The following ESRRG variants were observed in gnomAD, a reference collection of about 807,000 sequenced individuals.
ESRRG encodes the protein estrogen related receptor gamma, also known as estrogen-related receptor gamma.
Under a neutral mutation model 44.0 loss-of-function variants are expected in ESRRG, and 13 were observed. That is an observed-to-expected ratio of 0.30 (90% CI 0.19 to 0.47). The LOEUF (loss-of-function observed/expected upper bound fraction) is 0.47. Among genes scored for constraint, ESRRG ranks in the 20% least tolerant of loss-of-function variants. The pLI is 1.00. For missense variants in ESRRG, 395 were observed against 580.6 expected, an observed-to-expected ratio of 0.68 and a Z score of 3.29; for synonymous variants, 215 against 214.6, an observed-to-expected ratio of 1.00 and a Z score of -0.02.
At chr1:216,826,014 C>T (rs2095386888) in intron 2 of ESRRG, among the ~76,000 whole-genome samples, 1 of 152,108 alleles carries the variant, frequency 6.6e-6, no homozygotes, top group Admixed American at 6.6e-5. Context: ...TACAAACTCC[C>T]ACTCAAGTTG....
intron 2 of ESRRG, among the ~76,000 whole-genome samples, chr1:216,939,288 T>C (rs1578396661): frequency 8.2e-6 from 1 of 121,926 alleles, no homozygotes; most frequent in South Asian, 2.9e-4. Flanking sequence ...ACCTACATGA[T>C]CACTACAACA....
intron 3 of ESRRG, among the ~76,000 whole-genome samples, chr1:216,583,054 A>AC (rs1334749026): frequency 2.0e-5 from 3 of 152,042 alleles, no homozygotes; most frequent in Admixed American, 6.6e-5. Context: ...GAAAAAAAAA[A>AC]CTGTAAATTT....
intron 2 of ESRRG, among the ~76,000 whole-genome samples, chr1:216,824,613 G>A (rs1372579107): frequency 1.3e-5 from 2 of 151,982 alleles, no homozygotes; most frequent in East Asian, 3.9e-4. Context: ...GGGTTTTAAT[G>A]CATAAAATGG....
At chr1:216,561,079 AAC>A (rs1054975518) in intron 5 of ESRRG, among the ~76,000 whole-genome samples, 10 of 152,232 alleles carry the variant, frequency 6.6e-5, no homozygotes, top group African/African-American at 1.9e-4. Context: ...GTTTCATAAC[AAC>A]ACACTTTCCC....
intron 5 of ESRRG, among the ~76,000 whole-genome samples, chr1:216,541,414 G>C (rs1306056965): frequency 6.6e-6 from 1 of 151,960 alleles, no homozygotes; most frequent in East Asian, 1.9e-4. Context: ...AGGATTGAGA[G>C]CTAAATGTTA....
chr1:216,704,921 T>C (rs2082149380), intron 1 of ESRRG, among the ~76,000 whole-genome samples: 1 of 152,232 alleles, frequency 6.6e-6, no homozygotes, highest in Non-Finnish European at 1.5e-5. Flanking sequence ...ATTTACAATT[T>C]ATAATCATTT....
chr1:216,897,148 A>G (rs2058524381), intron 2 of ESRRG, among the ~76,000 whole-genome samples: 1 of 152,222 alleles, frequency 6.6e-6, no homozygotes, highest in South Asian at 2.1e-4. Context: ...AACCCTGGGA[A>G]GAAATGAATG....
chr1:217,040,815 T>C (rs1448506778), intron 1 of ESRRG, among the ~76,000 whole-genome samples: 2 of 152,158 alleles, frequency 1.3e-5, no homozygotes, highest in African/African-American at 4.8e-5. Context: ...TTTGTACTTA[T>C]GCTAGCTGCA....
At chr1:217,017,491 A>AT (rs35138428) in intron 1 of ESRRG, among the ~76,000 whole-genome samples, 21,001 of 149,166 alleles carry the variant, frequency 0.14, 2,019 homozygotes, top group East Asian at 0.2. Flanking sequence ...AAAAAAAAAA[A>AT]AAAAAAAGGA....
chr1:216,691,907 C>T (rs1442579326), intron 1 of ESRRG, among the ~76,000 whole-genome samples: 2 of 152,120 alleles, frequency 1.3e-5, no homozygotes, highest in Non-Finnish European at 2.9e-5. Flanking sequence ...CACTTAGTGA[C>T]GTCACAGTGA....
chr1:216,805,858 A>C (rs1395306582), intron 2 of ESRRG, among the ~76,000 whole-genome samples: 1 of 152,204 alleles, frequency 6.6e-6, no homozygotes. Context: ...AAAAGGAAAT[A>C]AGTACAGCCT....
At chr1:216,783,887 G>C (rs558156447) in intron 2 of ESRRG, among the ~76,000 whole-genome samples, 8 of 151,944 alleles carry the variant, frequency 5.3e-5, no homozygotes, top group African/African-American at 1.9e-4. Flanking sequence ...ACCCTCTCTC[G>C]AAGAATTAGA....
chr1:217,135,987 A>G (rs2102558823), intron 1 of ESRRG, among the ~76,000 whole-genome samples: 1 of 150,870 alleles, frequency 6.6e-6, no homozygotes, highest in African/African-American at 2.4e-5. Flanking sequence ...ATAGATTGGG[A>G]GAGAGAGATG....
intron 2 of ESRRG, chr1:216,805,322 A>T (rs986818970): frequency 1.3e-5 from 2 of 152,186 alleles, no homozygotes; most frequent in Non-Finnish European, 2.9e-5. Context: ...CCTGATTTGC[A>T]CATTTGTTGA....
intron 2 of ESRRG, among the ~76,000 whole-genome samples, chr1:216,838,008 T>C (rs1295410108): frequency 6.6e-6 from 1 of 152,154 alleles, no homozygotes; most frequent in Non-Finnish European, 1.5e-5. Context: ...GTTTGGGAGA[T>C]GAGCTTTTCT....
intron 2 of ESRRG, among the ~76,000 whole-genome samples, chr1:216,795,172 G>A (rs928682305): frequency 6.6e-6 from 1 of 152,050 alleles, no homozygotes; most frequent in African/African-American, 2.4e-5. Flanking sequence ...CTGAAGACAC[G>A]AAGTAATGTG....
At chr1:216,618,103 G>A (rs2061671262) in intron 3 of ESRRG, among the ~76,000 whole-genome samples, 1 of 152,124 alleles carries the variant, frequency 6.6e-6, no homozygotes, top group Admixed American at 6.5e-5. Context: ...AAAATTTTAT[G>A]ATCACTTAAA....
chr1:216,799,227 A>G (rs750489311), intron 2 of ESRRG, among the ~76,000 whole-genome samples: 70 of 152,186 alleles, frequency 4.6e-4, no homozygotes, highest in Non-Finnish European at 9.3e-4. Flanking sequence ...CTCTTGACTC[A>G]GGAATTCCGA....
intron 1 of ESRRG, among the ~76,000 whole-genome samples, chr1:217,114,848 T>C (rs1291265007): frequency 6.6e-6 from 1 of 151,648 alleles, no homozygotes; most frequent in East Asian, 2.0e-4. Context: ...GTAGAGATGA[T>C]TTTTAGGGGT....
Sources: allele counts gnomAD v4.1 joint callset (sites outside exome capture counted in the v4.1 genomes callset), GRCh38; gene constraint gnomAD v4.1.1; transcripts MANE v1.5; gene names NCBI Gene and HGNC (gene_info 2026-07-23, HGNC 2026-07-21).